The following HEATR4 variants were observed in gnomAD, a reference collection of about 807,000 sequenced individuals.
HEATR4 encodes the protein HEAT repeat containing 4, also known as HEAT repeat-containing protein 4.
HEATR4 carries 95 observed loss-of-function variants against 108.8 expected under a neutral mutation model. That is an observed-to-expected ratio of 0.87 (90% CI 0.74 to 1.04). The LOEUF (loss-of-function observed/expected upper bound fraction) is 1.04. HEATR4 is among the 50% of genes least tolerant of loss of function. The pLI, the probability that HEATR4 is intolerant of heterozygous loss-of-function variation, is 0.00. For synonymous variants in HEATR4, 443 were observed against 459.4 expected (o/e 0.96, Z 0.46); for missense variants, 1,152 against 1,253.8 (o/e 0.92, Z 1.23).
chr14:73,597,335 C>T, the HEATR4 span, among the ~76,000 whole-genome samples: 9 of 152,118 alleles, frequency 5.9e-5, no homozygotes, highest in East Asian at 1.9e-4. Flanking sequence ...CCACCCGCCT[C>T]GGCCTCCCAA....
In HEATR4 at chr14:73,492,131, A is replaced by G; in HGVS notation, c.2844+935T>C. ...AGTCCCAACCGAGGAACTGGCTCTG[A>G]CATCCAGCCCCAACTTCAGTCAGGA... On this transcript the variant is annotated intron_variant, in intron 17 of 17. Coordinates refer to ENST00000553558, the MANE Select transcript of HEATR4 (RefSeq NM_001220484.1). The surrounding 1 kb of genome is among the most constrained non-coding windows in gnomAD (Gnocchi z 4.9). The G allele has an allele frequency of 1.2e-6, 2 of 1,613,850 alleles. No individual in the cohort carries two copies. The highest frequency in any genetic ancestry group is 1.7e-6 in the Non-Finnish European group (2 of 1,179,810).
chr14:73,612,646 C>G, the HEATR4 span: 1 of 1,405,536 alleles, frequency 7.1e-7, no homozygotes, highest in South Asian at 1.5e-5. Flanking sequence ...CAGTGCGCGG[C>G]CTGGCCCCGG....
intron 17 of HEATR4, chr14:73,491,108 G>A: frequency 6.2e-7 from 1 of 1,606,690 alleles, no homozygotes. Context: ...GTCGGTCCTG[G>A]CCCTGCCCTT....
intron 17 of HEATR4, chr14:73,491,188 G>T (rs780126890): frequency 6.3e-7 from 1 of 1,597,704 alleles, no homozygotes; most frequent in Non-Finnish European, 8.5e-7. Flanking sequence ...GGACGCAGAC[G>T]CTGCCTAGCG....
chr14:73,509,551 T>C, intron 7 of HEATR4, 78 bp from the exon 8 acceptor site: 1 of 1,489,932 alleles, frequency 6.7e-7, no homozygotes, highest in South Asian at 1.2e-5. Context: ...TACAGCCATG[T>C]GGTGGCCAAC....
At position 73,520,749 on chromosome 14, in the gene HEATR4, G is replaced by A; in HGVS notation, c.1069+103C>T. On this transcript the variant is annotated intron_variant, in intron 4 of 17. Coordinates refer to ENST00000553558, the MANE Select transcript of HEATR4 (RefSeq NM_001220484.1). The stretch of plus-strand genomic sequence containing the variant: ...GAACATGAAAACCTGGGTCATCCAG[G>A]GCCTCTTGTCCATACCCACAACTGT... The A allele has an allele frequency of 2.8e-6, 3 of 1,070,110 alleles. No homozygotes were observed. The East Asian group carries it at 7.1e-5, about 25-fold the overall frequency. The allele number at this position is 1,070,110 out of a possible 1,614,324, so 66.3% of individuals were successfully genotyped here.
In HEATR4 at chr14:73,492,290, C is replaced by G. The variant is rs1199065998; in HGVS notation, c.2844+776G>C. The G allele has an allele frequency of 6.2e-7, 1 of 1,613,912 alleles. No homozygotes were observed. Among genetic ancestry groups the G allele is most frequent in the Non-Finnish European group, 8.5e-7 (1 of 1,179,922 alleles). ...GCACCTCACCTTGTCCACGTACCAG[C>G]GCAATACCTGGGGTGACTTCTTAGA... is the stretch of plus-strand genomic sequence containing the variant. On this transcript the variant is annotated intron_variant, in intron 17 of 17. Coordinates refer to ENST00000553558, the MANE Select transcript of HEATR4 (RefSeq NM_001220484.1). The surrounding 1 kb of genome is among the most constrained non-coding windows in gnomAD (Gnocchi z 4.9).
the HEATR4 span, among the ~76,000 whole-genome samples, chr14:73,565,993 T>C: frequency 6.6e-6 from 1 of 151,970 alleles, no homozygotes; most frequent in Admixed American, 6.6e-5. Flanking sequence ...TTGGTGCGTT[T>C]ACAATTCCTC....
At chr14:73,569,231 G>C in the HEATR4 span, 20 of 1,612,776 alleles carry the variant, frequency 1.2e-5, no homozygotes, top group Non-Finnish European at 1.7e-5. Flanking sequence ...TGCGACGGCA[G>C]CCCGAGAGGA....
At chr14:73,497,627 C>T (rs1388074249) in intron 14 of HEATR4, among the ~76,000 whole-genome samples, 1 of 151,920 alleles carries the variant, frequency 6.6e-6, no homozygotes, top group Non-Finnish European at 1.5e-5. Context: ...AACTTAAAAC[C>T]CATCCTTTTT....
chr14:73,610,538 C>A, the HEATR4 span, among the ~76,000 whole-genome samples: 1 of 151,904 alleles, frequency 6.6e-6, no homozygotes, highest in Non-Finnish European at 1.5e-5. Context: ...TCATCCGCCC[C>A]CCTCGGCCTC....
At chr14:73,496,508 A>C in intron 15 of HEATR4, 93 bp downstream of exon 15, 1 of 750,900 alleles carries the variant, frequency 1.3e-6, no homozygotes, top group South Asian at 1.6e-5. Context: ...TATGGTGGGA[A>C]AAAGGGTATG....
At chr14:73,587,683 T>C in the HEATR4 span, among the ~76,000 whole-genome samples, 57 of 152,304 alleles carry the variant, frequency 3.7e-4, no homozygotes, top group African/African-American at 1.3e-3. Context: ...TTTATTTCAA[T>C]ACTTATTACT....
intron 9 of HEATR4, among the ~76,000 whole-genome samples, chr14:73,506,804 G>GTTTTTTTTTTTTTGTTTTTTT (rs1886867851): frequency 1.2e-5 from 1 of 80,522 alleles, no homozygotes; most frequent in Non-Finnish European, 2.2e-5. Context: ...GACTTTAACT[G>GTTTTTTTTTTTTTGTTTTTTT]TTTTTTTTTT....
the HEATR4 span, among the ~76,000 whole-genome samples, chr14:73,631,125 A>G: frequency 2.6e-5 from 4 of 152,290 alleles, no homozygotes; most frequent in African/African-American, 9.6e-5. Flanking sequence ...TTATAGATAA[A>G]TGGGATAAGA....
At chr14:73,591,209 C>T in the HEATR4 span, among the ~76,000 whole-genome samples, 417 of 151,270 alleles carry the variant, frequency 2.8e-3, 2 homozygotes, top group African/African-American at 9.8e-3. Flanking sequence ...ATCGAGCCAC[C>T]GCCTTGCAGC....
chr14:73,527,091 C>A (rs766655097), intron 2 of HEATR4: 2 of 152,124 alleles, frequency 1.3e-5, no homozygotes, highest in African/African-American at 2.4e-5. Flanking sequence ...GCTTAGGGCA[C>A]CCCCTGGTAT....
chr14:73,624,505 G>C, the HEATR4 span, among the ~76,000 whole-genome samples: 1 of 152,160 alleles, frequency 6.6e-6, no homozygotes, highest in Non-Finnish European at 1.5e-5. Flanking sequence ...AGGATGCTGA[G>C]GTGGGAGGAT....
At chr14:73,551,073 A>G (rs1190379706) in intron 1 of HEATR4, among the ~76,000 whole-genome samples, 2 of 113,134 alleles carry the variant, frequency 1.8e-5, no homozygotes, top group Non-Finnish European at 3.9e-5. Flanking sequence ...CTGAGGCAGG[A>G]GAATCACTTG....
Sources: allele counts gnomAD v4.1 joint callset (sites outside exome capture counted in the v4.1 genomes callset), GRCh38; gene constraint gnomAD v4.1.1; non-coding constraint Gnocchi (gnomAD v3.1); transcripts MANE v1.5; gene names NCBI Gene and HGNC (gene_info 2026-07-23, HGNC 2026-07-21).